Variants in RAD18 observed in about 807,000 individuals in gnomAD.
RAD18 encodes the protein RAD18 E3 ubiquitin protein ligase.
In RAD18, 47 loss-of-function variants were observed where a neutral mutation model predicts 60.4. The ratio of observed to expected loss-of-function variants is 0.78; its 90% CI spans 0.62 to 0.99. The LOEUF (loss-of-function observed/expected upper bound fraction) is 0.99. Among genes scored for constraint, RAD18 ranks in the 50% least tolerant of loss-of-function variants. The probability of loss-of-function intolerance (pLI) is 0.00; values close to 1 mark genes in which losing one functional copy is unlikely to be tolerated. For synonymous variants in RAD18, 225 were observed against 195.5 expected (o/e 1.15, Z -1.26); for missense variants, 640 against 593.3 (o/e 1.08, Z -0.82).
In RAD18 at chr3:8,902,419, CTTT is replaced by C. The variant is rs776548125; in HGVS notation, c.1126_1128del (p.Lys376del). The C allele has an allele frequency of 1.9e-6, 3 of 1,609,470 alleles. No individual in the cohort carries two copies. In the South Asian group the frequency reaches 3.3e-5, roughly 18 times the overall value. ...GATAGCTTTTCTGTAGATTCATCTTCTTTTGTTATTGTTACTGTTTTTTGTGAC... is the reference window on the plus strand; with the variant it reads ...GATAGCTTTTCTGTAGATTCATCTTCTGTTATTGTTACTGTTTTTTGTGAC... On this transcript the variant is annotated inframe_deletion, in exon 10 of 13. Transcript: ENST00000264926.
At chr3:8,918,555 C>T (rs1422093535) in intron 7 of RAD18, among the ~76,000 whole-genome samples, 4 of 152,020 alleles carry the variant, frequency 2.6e-5, no homozygotes, top group Non-Finnish European at 5.9e-5. Context: ...GGAAGATGGA[C>T]TGGCTAAGAT....
At chr3:8,959,572 A>G (rs576860672) in intron 1 of RAD18, among the ~76,000 whole-genome samples, 11 of 152,346 alleles carry the variant, frequency 7.2e-5, no homozygotes, top group African/African-American at 2.2e-4. Context: ...GCATGGTACT[A>G]CACATGCAGC....
intron 12 of RAD18, chr3:8,890,141 T>C: frequency 2.0e-6 from 1 of 494,712 alleles, no homozygotes; most frequent in Non-Finnish European, 3.7e-6. Flanking sequence ...CTGTATTAAT[T>C]GCCCATAAGA....
rs1939386122 is a variant in RAD18 at position 8,877,704 on chromosome 3, A to G, written c.*3653T>C. On this transcript the variant is annotated 3_prime_UTR_variant, in exon 13 of 13. Transcript: ENST00000264926. ...TAATGCTCATCTTCCCTTCTGATCT[A>G]CAAGCTCCATCAGGGCAGGAACTGT... The G allele has an allele frequency of 1.3e-5, 2 of 152,206 alleles. No homozygotes were observed. The highest frequency in any genetic ancestry group is 2.9e-5 in the Non-Finnish European group (2 of 68,056). The allele number at this position is 152,206 out of a possible 1,614,324, so 9.4% of individuals were successfully genotyped here.
intron 2 of RAD18, among the ~76,000 whole-genome samples, chr3:8,949,679 G>GC (rs1940898563): frequency 6.6e-6 from 1 of 152,092 alleles, no homozygotes; most frequent in African/African-American, 2.4e-5. Flanking sequence ...GAGAGAGGGG[G>GC]GTAATACAGA....
chr3:8,910,004 T>C (rs1349266682), intron 9 of RAD18, among the ~76,000 whole-genome samples: 1 of 152,146 alleles, frequency 6.6e-6, no homozygotes, highest in East Asian at 1.9e-4. Context: ...AGAGGGAGAC[T>C]TGGAACTTGG....
rs751755282 is a variant in RAD18, at chr3:8,902,497, GAA to G, written c.1049_1050del (p.Phe350SerfsTer8). The G allele has an allele frequency of 1.9e-6, 3 of 1,605,430 alleles. No homozygotes were observed. The East Asian group carries it at 6.7e-5, about 36-fold the overall frequency. On this transcript the variant is annotated frameshift_variant, in exon 10 of 13. Transcript: ENST00000264926. LOFTEE classifies it high-confidence loss of function. Reference sequence around the variant, plus strand: ...TTTCTAGCCTGATCCACCAGAAGCTGAAATTCACTCTTATGTTTTTTACCTGA... The same window carrying G: ...TTTCTAGCCTGATCCACCAGAAGCTGATTCACTCTTATGTTTTTTACCTGA... ...SKYRKKHKSE[F>X]QLLVDQARKG...
intron 7 of RAD18, among the ~76,000 whole-genome samples, chr3:8,921,406 C>A (rs1211526027): frequency 6.6e-6 from 1 of 152,146 alleles, no homozygotes; most frequent in African/African-American, 2.4e-5. Context: ...AATCCCTGCA[C>A]TTTGGGGGGC....
intron 10 of RAD18, among the ~76,000 whole-genome samples, chr3:8,901,805 T>C (rs1337185186): frequency 6.6e-6 from 1 of 152,232 alleles, no homozygotes; most frequent in East Asian, 1.9e-4. Flanking sequence ...ATAAACATTG[T>C]GTTATGTATA....
chr3:8,939,767 A>T (rs1267833138), intron 5 of RAD18, 114 bp from the exon 6 acceptor site: 4 of 836,640 alleles, frequency 4.8e-6, no homozygotes, highest in Non-Finnish European at 7.3e-6. Flanking sequence ...CTTAACATGC[A>T]CTTAGAAAAG....
At chr3:8,890,268 T>C (rs1939661894) in intron 12 of RAD18, 121 bp downstream of exon 12, 1 of 734,060 alleles carries the variant, frequency 1.4e-6, no homozygotes, top group Middle Eastern at 2.8e-4. Flanking sequence ...TTACCTTGCA[T>C]GAGGATTACT....
chr3:8,927,456 T>A (rs1185454669), intron 7 of RAD18, among the ~76,000 whole-genome samples: 1 of 152,334 alleles, frequency 6.6e-6, no homozygotes, highest in Admixed American at 6.5e-5. Context: ...TTTTACACTG[T>A]TGGTGGGACT....
chr3:8,937,219 G>A (rs1253745303), intron 6 of RAD18, among the ~76,000 whole-genome samples: 2 of 152,130 alleles, frequency 1.3e-5, no homozygotes, highest in African/African-American at 2.4e-5. Context: ...AAGCACACAG[G>A]GAGAGATGAT....
chr3:8,909,041 G>T (rs902359415), intron 9 of RAD18, among the ~76,000 whole-genome samples: 8 of 152,214 alleles, frequency 5.3e-5, no homozygotes, highest in African/African-American at 1.9e-4. Flanking sequence ...CAGTTGAGCT[G>T]GTTGAGAGTG....
intron 7 of RAD18, among the ~76,000 whole-genome samples, chr3:8,935,481 T>A (rs959654234): frequency 6.6e-6 from 1 of 152,194 alleles, no homozygotes; most frequent in Admixed American, 6.5e-5. Flanking sequence ...AGTGGGTAGT[T>A]ATTATAACCC....
At chr3:8,957,851 T>G (rs949992994) in intron 2 of RAD18, among the ~76,000 whole-genome samples, 1 of 152,220 alleles carries the variant, frequency 6.6e-6, no homozygotes, top group Non-Finnish European at 1.5e-5. Context: ...CATACACATT[T>G]GTCAAAATTC....
Position 8,892,783 on chromosome 3 carries a change from C to T in RAD18, c.1323-2332G>A, listed in dbSNP as rs545013073. ...TGAAAAGTAAGATGTCAAATACCTA[C>T]GGCAAATGTATGACTGGTAATGTTA... On this transcript the variant is annotated intron_variant, in intron 11 of 12. Transcript: ENST00000264926. Among the ~76,000 whole-genome samples, 17 of 152,268 alleles carry T rather than the reference C, an allele frequency of 1.1e-4. No individual in the cohort carries two copies. In the South Asian group the frequency reaches 1.2e-3, roughly 11 times the overall value.
chr3:8,889,639 G>C (rs552217129), intron 12 of RAD18, among the ~76,000 whole-genome samples: 4 of 152,298 alleles, frequency 2.6e-5, no homozygotes, highest in Non-Finnish European at 5.9e-5. Context: ...TGTGGTGGGA[G>C]AGAGCTTTTC....
chr3:8,912,504 ACCTAGGAAGAATCATT>A, intron 8 of RAD18, 132 bp from the exon 9 acceptor site: 1 of 558,504 alleles, frequency 1.8e-6, no homozygotes, highest in Non-Finnish European at 3.0e-6. Flanking sequence ...TTTTATATAG[ACCTAGGAAGAATCATT>A]CCTATGTACT....
Sources: gnomAD v4.1 joint callset for allele counts (sites outside exome capture counted in the v4.1 genomes callset) on GRCh38, gnomAD v4.1.1 for gene constraint, MANE v1.5 for transcripts, NCBI Gene and HGNC (gene_info 2026-07-23, HGNC 2026-07-21) for gene names.